Variants in LRRC18 observed in about 807,000 individuals in gnomAD.
LRRC18 encodes leucine rich repeat containing 18, also known as leucine-rich repeat-containing protein 18.
A neutral mutation model predicts 11.2 loss-of-function variants in LRRC18; 12 were observed. The observed-to-expected ratio is 1.07, with a 90% CI of 0.69 to 1.74. The LOEUF (loss-of-function observed/expected upper bound fraction) is 1.74. LRRC18 is among the 40% of genes most tolerant of loss of function. LRRC18 has a pLI of 0.00. For synonymous variants in LRRC18, 155 were observed against 130.6 expected (o/e 1.19, Z -1.27); for missense variants, 374 against 330.5 (o/e 1.13, Z -1.02).
chr10:48,914,081 A>G, exon 1 of LRRC18: 2 of 1,614,172 alleles, frequency 1.2e-6, no homozygotes, highest in Non-Finnish European at 1.7e-6. Context: ...TCCCATCAAA[A>G]GTGATTTTGA....
At chr10:48,911,933 G>A (rs772160689) in intron 1 of LRRC18, among the ~76,000 whole-genome samples, 106 of 152,324 alleles carry the variant, frequency 7.0e-4, no homozygotes, top group Non-Finnish European at 1.2e-3. Context: ...AATGAAATGT[G>A]CTGTGTGCTG....
chr10:48,929,018 G>A, the LRRC18 span, among the ~76,000 whole-genome samples: 1 of 152,184 alleles, frequency 6.6e-6, no homozygotes, highest in Non-Finnish European at 1.5e-5. Context: ...AAGAGAAAGA[G>A]TCAGGATAGA....
At chr10:48,925,963 T>C in the LRRC18 span, among the ~76,000 whole-genome samples, 1 of 152,088 alleles carries the variant, frequency 6.6e-6, no homozygotes, top group Non-Finnish European at 1.5e-5. Flanking sequence ...CTCAGAGAAG[T>C]TAAGTGACTT....
At chr10:48,939,596 G>A in the LRRC18 span, among the ~76,000 whole-genome samples, 1 of 152,230 alleles carries the variant, frequency 6.6e-6, no homozygotes, top group Admixed American at 6.5e-5. Context: ...AATGATGGAT[G>A]ATGGATGATG....
At chr10:48,919,933 A>G in the LRRC18 span, among the ~76,000 whole-genome samples, 1 of 152,240 alleles carries the variant, frequency 6.6e-6, no homozygotes, top group Non-Finnish European at 1.5e-5. Flanking sequence ...CCTGATGCTA[A>G]AATCACACAA....
chr10:48,923,794 G>T, the LRRC18 span, among the ~76,000 whole-genome samples: 2 of 152,062 alleles, frequency 1.3e-5, no homozygotes, highest in African/African-American at 4.8e-5. Flanking sequence ...AAAAACCTGG[G>T]CTGCCTTTTG....
chr10:48,923,232 G>C, the LRRC18 span, among the ~76,000 whole-genome samples: 2 of 151,962 alleles, frequency 1.3e-5, no homozygotes, highest in Non-Finnish European at 2.9e-5. Context: ...GGTCCAATGT[G>C]TATGTCTCCC....
chr10:48,930,577 T>G, the LRRC18 span, among the ~76,000 whole-genome samples: 1 of 151,946 alleles, frequency 6.6e-6, no homozygotes, highest in East Asian at 1.9e-4. Context: ...TGGGAAGAGG[T>G]GGGACTAGGC....
At chr10:48,922,668 T>C in the LRRC18 span, among the ~76,000 whole-genome samples, 1 of 152,186 alleles carries the variant, frequency 6.6e-6, no homozygotes, top group African/African-American at 2.4e-5. Flanking sequence ...TCTTAGAACA[T>C]ATCACCTGTG....
chr10:48,913,503 C>A (rs773741095), exon 1 of LRRC18: 1 of 1,613,758 alleles, frequency 6.2e-7, no homozygotes. Flanking sequence ...CAGGTTGTCC[C>A]GGGCGTTTTG....
chr10:48,913,405 A>G (rs752441503), exon 1 of LRRC18: 77 of 1,611,018 alleles, frequency 4.8e-5, no homozygotes, highest in Non-Finnish European at 6.2e-5. Context: ...CAGTCTTCCC[A>G]GGAGTCCTTG....
the LRRC18 span, among the ~76,000 whole-genome samples, chr10:48,926,557 T>C: frequency 6.6e-6 from 1 of 152,202 alleles, no homozygotes; most frequent in Non-Finnish European, 1.5e-5. Context: ...TTGGAGGAAC[T>C]GACCACAGGC....
chr10:48,929,598 A>G, the LRRC18 span, among the ~76,000 whole-genome samples: 6 of 152,212 alleles, frequency 3.9e-5, no homozygotes, highest in Non-Finnish European at 8.8e-5. Flanking sequence ...AAGCCCACCT[A>G]GTCTCATTGC....
At chr10:48,918,726 C>G (rs942150906), upstream of LRRC18, among the ~76,000 whole-genome samples, 2 of 149,606 alleles carry the variant, frequency 1.3e-5, no homozygotes, top group African/African-American at 5.0e-5. Context: ...CATTTTAGAC[C>G]AGGTAATTAT....
At chr10:48,917,318 T>C (rs1838642395), upstream of LRRC18, among the ~76,000 whole-genome samples, 1 of 152,194 alleles carries the variant, frequency 6.6e-6, no homozygotes, top group Non-Finnish European at 1.5e-5. Flanking sequence ...AAAACAGTTG[T>C]GGTGCAGAAA....
chr10:48,913,477 T>C (rs1838198265), exon 1 of LRRC18: 2 of 1,585,920 alleles, frequency 1.3e-6, no homozygotes, highest in Non-Finnish European at 8.6e-7. Flanking sequence ...GTCGTGGCCA[T>C]GTTCTTGATT....
At chr10:48,915,927 A>G (rs1389569336), upstream of LRRC18, among the ~76,000 whole-genome samples, 1 of 152,226 alleles carries the variant, frequency 6.6e-6, no homozygotes. Flanking sequence ...ATGTTCACCA[A>G]TACTGAACTG....
At chr10:48,912,346 G>A (rs948341803) in intron 1 of LRRC18, among the ~76,000 whole-genome samples, 34 of 152,194 alleles carry the variant, frequency 2.2e-4, no homozygotes, top group African/African-American at 8.0e-4. Flanking sequence ...AGTTCAGTGT[G>A]GCATTATTCC....
the LRRC18 span, among the ~76,000 whole-genome samples, chr10:48,922,007 C>A: frequency 6.6e-6 from 1 of 152,132 alleles, no homozygotes; most frequent in Non-Finnish European, 1.5e-5. Context: ...CATACTGAAA[C>A]CTGTTCACAG....
Sources: allele counts gnomAD v4.1 joint callset (sites outside exome capture counted in the v4.1 genomes callset), GRCh38; gene constraint gnomAD v4.1.1; transcripts MANE v1.5; gene names NCBI Gene and HGNC (gene_info 2026-07-23, HGNC 2026-07-21).